Variants in LNX1 observed in about 807,000 individuals in gnomAD.
LNX1 encodes the protein ligand of numb-protein X 1.
LNX1 carries 54 observed loss-of-function variants against 68.4 expected under a neutral mutation model. The observed-to-expected ratio is 0.79, with a 90% CI of 0.63 to 0.99. The LOEUF is 0.99. LNX1 is among the 50% of genes least tolerant of loss of function. LNX1 has a pLI of 0.00. For missense variants in LNX1, 906 were observed against 926.4 expected (o/e 0.98, Z 0.29); for synonymous variants, 336 against 350.0 (o/e 0.96, Z 0.45).
At chr4:53,606,072 G>C (rs1466075667) in intron 2 of LNX1, among the ~76,000 whole-genome samples, 1 of 152,018 alleles carries the variant, frequency 6.6e-6, no homozygotes, top group East Asian at 1.9e-4. Flanking sequence ...CACACAGTTA[G>C]CAGAAGACAG....
intron 2 of LNX1, among the ~76,000 whole-genome samples, chr4:53,532,928 G>T (rs368180921): frequency 1.3e-5 from 2 of 152,152 alleles, no homozygotes; most frequent in Non-Finnish European, 2.9e-5. Context: ...AGCCTGCTAG[G>T]CTGATGCTCT....
Position 53,478,812 on chromosome 4 carries a change from C to T in LNX1, c.1486-70G>A, listed in dbSNP as rs567800014. 46 of 1,464,196 alleles carry T rather than the reference C, an allele frequency of 3.1e-5. 1 individual carries two copies. The South Asian group carries it at 5.6e-4, about 18-fold the overall frequency. The allele number at this position is 1,464,196 out of a possible 1,614,324, so 90.7% of individuals were successfully genotyped here. A position where few individuals can be genotyped will look rare whatever the true frequency, so the allele number is the denominator to read the frequency against. ...TGGTAGTTTTTGAATGTAGAAAATG[C>T]AAAGTGGGTTTCCATTTTCTAAATG... On this transcript the variant is annotated intron_variant, in intron 7 of 10. Coordinates refer to ENST00000263925, the MANE Select transcript of LNX1 (RefSeq NM_001126328.3).
At position 53,465,690 on chromosome 4, in the gene LNX1, T is replaced by C. The variant is rs564999001; in HGVS notation, c.1893-4097A>G. On this transcript the variant is annotated intron_variant, in intron 9 of 10. Transcript: ENST00000263925. The stretch of plus-strand genomic sequence containing the variant: ...AACTTTTTAAAAATTCTGATACATG[T>C]TTAAATTGTACATACACTAAAAAGA... Among the ~76,000 whole-genome samples the C allele has an allele frequency of 2.5e-3, 386 of 152,370 alleles. 1 individual carries two copies. The highest frequency in any genetic ancestry group is 4.3e-3 in the Non-Finnish European group (294 of 68,034).
intron 4 of LNX1, among the ~76,000 whole-genome samples, chr4:53,505,999 C>T (rs1169730502): frequency 6.6e-6 from 1 of 152,124 alleles, no homozygotes; most frequent in African/African-American, 2.4e-5. Flanking sequence ...GGGTGAGAGG[C>T]AATCATGAAT....
At chr4:53,527,312 T>A (rs944433171) in intron 2 of LNX1, among the ~76,000 whole-genome samples, 1 of 152,228 alleles carries the variant, frequency 6.6e-6, no homozygotes, top group Non-Finnish European at 1.5e-5. Flanking sequence ...TTATTCAGTA[T>A]AACTGACTTT....
chr4:53,521,961 G>C (rs1727256738), intron 2 of LNX1, among the ~76,000 whole-genome samples: 2 of 103,848 alleles, frequency 1.9e-5, no homozygotes, highest in Admixed American at 2.0e-4. Context: ...CACCACACCT[G>C]GCTAACTTTT....
intron 4 of LNX1, among the ~76,000 whole-genome samples, chr4:53,503,426 C>T (rs1302457858): frequency 1.3e-5 from 2 of 152,172 alleles, no homozygotes; most frequent in Non-Finnish European, 2.9e-5. Flanking sequence ...ATTGTGTTAT[C>T]AGGCATGAAA....
intron 1 of LNX1, among the ~76,000 whole-genome samples, chr4:53,589,282 G>A (rs1433096491): frequency 6.6e-6 from 1 of 152,210 alleles, no homozygotes; most frequent in Admixed American, 6.5e-5. Flanking sequence ...TTGCCTGTGA[G>A]GCTAGCGGAG....
intron 2 of LNX1, among the ~76,000 whole-genome samples, chr4:53,607,839 C>T (rs1371079694): frequency 2.0e-5 from 3 of 152,090 alleles, no homozygotes; most frequent in African/African-American, 7.2e-5. Flanking sequence ...TGATCTTCAA[C>T]AAAGTCAACA....
At chr4:53,585,008 T>C (rs932039) in intron 1 of LNX1, among the ~76,000 whole-genome samples, 133,072 of 152,096 alleles carry the variant, frequency 0.87, 58,287 homozygotes, top group Admixed American at 0.9. Flanking sequence ...ATTGTCTTCC[T>C]GGGTAGTCCA....
intron 1 of LNX1, among the ~76,000 whole-genome samples, chr4:53,645,238 G>A (rs766823194): frequency 6.6e-6 from 1 of 152,192 alleles, no homozygotes; most frequent in Non-Finnish European, 1.5e-5. Flanking sequence ...GGGAACTCTC[G>A]GGAGGCTGGA....
intron 2 of LNX1, among the ~76,000 whole-genome samples, chr4:53,597,136 C>T (rs932119183): frequency 2.0e-5 from 3 of 152,164 alleles, no homozygotes; most frequent in East Asian, 1.9e-4. Context: ...TCTTTTTCTA[C>T]GAGCCTGGAG....
At chr4:53,487,493 T>C (rs1442021715) in intron 6 of LNX1, among the ~76,000 whole-genome samples, 1 of 152,172 alleles carries the variant, frequency 6.6e-6, no homozygotes, top group Non-Finnish European at 1.5e-5. Flanking sequence ...AAGTTTCAAG[T>C]TAAGAAAGTT....
intron 7 of LNX1, among the ~76,000 whole-genome samples, chr4:53,480,829 C>T (rs1038077105): frequency 1.3e-5 from 2 of 152,070 alleles, no homozygotes; most frequent in Non-Finnish European, 2.9e-5. Context: ...TATAGATTGA[C>T]GTAGAAAGAA....
intron 2 of LNX1, among the ~76,000 whole-genome samples, chr4:53,566,253 G>A (rs1217017448): frequency 6.6e-6 from 1 of 151,044 alleles, no homozygotes; most frequent in African/African-American, 2.4e-5. Flanking sequence ...AGAGAGAAAG[G>A]TCGGGTTACC....
chr4:53,612,725 T>C (rs978794243), intron 2 of LNX1, among the ~76,000 whole-genome samples: 2 of 149,346 alleles, frequency 1.3e-5, no homozygotes, highest in African/African-American at 4.9e-5. Context: ...TTTGTAGAGA[T>C]GGGGTCTCGC....
chr4:53,555,105 A>G (rs895737012), intron 2 of LNX1, among the ~76,000 whole-genome samples: 3 of 152,140 alleles, frequency 2.0e-5, no homozygotes, highest in Non-Finnish European at 4.4e-5. Flanking sequence ...AGGGTGGAGG[A>G]AGCCCAGCAG....
intron 2 of LNX1, among the ~76,000 whole-genome samples, chr4:53,608,169 A>G (rs924948573): frequency 6.6e-6 from 1 of 152,234 alleles, no homozygotes; most frequent in Non-Finnish European, 1.5e-5. Flanking sequence ...TGATCAACAG[A>G]GTAAACAGAC....
At position 53,460,457 on chromosome 4, in the gene LNX1, A is replaced by AACTT; in HGVS notation, c.*446_*449dup. On this transcript the variant is annotated 3_prime_UTR_variant, in exon 11 of 11. Coordinates refer to ENST00000263925, the MANE Select transcript of LNX1 (RefSeq NM_001126328.3). ...GTATCACATACTAAAAGACAACTAT[A>AACTT]ACTTCTGAAAAATATTTATTCTTGT... is the stretch of plus-strand genomic sequence containing the variant. The AACTT allele has an allele frequency of 5.2e-6, 1 of 192,866 alleles. No individual in the cohort carries two copies. Among genetic ancestry groups the AACTT allele is most frequent in the Admixed American group, 6.1e-5 (1 of 16,328 alleles). 11.9% of individuals were successfully genotyped at this position (192,866 alleles called of 1,614,324 possible). A position where few individuals can be genotyped will look rare whatever the true frequency, so the allele number is the denominator to read the frequency against.
Sources: gnomAD v4.1 joint callset for allele counts (sites outside exome capture counted in the v4.1 genomes callset) on GRCh38, gnomAD v4.1.1 for gene constraint, MANE v1.5 for transcripts, NCBI Gene and HGNC (gene_info 2026-07-23, HGNC 2026-07-21) for gene names.